The following PAFAH1B2 variants were observed in gnomAD, a reference collection of about 807,000 sequenced individuals.
PAFAH1B2 encodes platelet activating factor acetylhydrolase 1b catalytic subunit 2, also known as platelet-activating factor acetylhydrolase IB subunit alpha2.
Under a neutral mutation model 28.0 loss-of-function variants are expected in PAFAH1B2, and 8 were observed. The observed-to-expected ratio is 0.29, with a 90% CI of 0.17 to 0.52. The LOEUF is 0.52. Ranked by LOEUF, PAFAH1B2 falls within the 20% of genes least tolerant of loss-of-function variation. The pLI, the probability that PAFAH1B2 is intolerant of heterozygous loss-of-function variation, is 0.97. For synonymous variants in PAFAH1B2, 104 were observed against 103.2 expected (o/e 1.01, Z -0.05); for missense variants, 190 against 282.6 (o/e 0.67, Z 2.35).
Position 117,163,750 on chromosome 11 carries a change from C to T in PAFAH1B2, c.289-20C>T. On this transcript the variant is annotated intron_variant, in intron 4 of 5. Transcript: ENST00000527958. ...CTGGGTATTTATCTTCTCCTTCCCC[C>T]CTTTTTTCTTCAATTGCAGGTCATT... The T allele has an allele frequency of 1.9e-6, 3 of 1,611,964 alleles. No individual in the cohort carries two copies. The highest frequency in any genetic ancestry group is 3.3e-5 in the Admixed American group (2 of 59,792).
intron 3 of PAFAH1B2, 122 bp from the exon 4 acceptor site, chr11:117,161,023 A>G: frequency 2.9e-6 from 2 of 685,216 alleles, no homozygotes; most frequent in South Asian, 1.7e-5. Context: ...ACAGTGTCAC[A>G]CCATTACAGT....
At chr11:117,153,605 G>T (rs1818776449) in intron 2 of PAFAH1B2, among the ~76,000 whole-genome samples, 1 of 152,072 alleles carries the variant, frequency 6.6e-6, no homozygotes, top group South Asian at 2.1e-4. Context: ...TGGCCAGGCT[G>T]GTTTCAAACT....
chr11:117,176,235 T>G (rs906633862), exon 6 of PAFAH1B2: 8 of 447,338 alleles, frequency 1.8e-5, no homozygotes, highest in Non-Finnish European at 2.4e-5. Flanking sequence ...GTGAACCCTT[T>G]GGAAAAGGGG....
intron 4 of PAFAH1B2, among the ~76,000 whole-genome samples, chr11:117,163,075 T>C (rs567359940): frequency 6.6e-6 from 1 of 152,376 alleles, no homozygotes; most frequent in African/African-American, 2.4e-5. Context: ...CATGATGATA[T>C]AATTCTCTCT....
rs577997775 is a variant in PAFAH1B2 at position 117,146,945 on chromosome 11, A to G, written c.-8+2527A>G. Among the ~76,000 whole-genome samples, 5 of 151,870 alleles carry G rather than the reference A, an allele frequency of 3.3e-5. No individual in the cohort carries two copies. The South Asian group carries it at 6.2e-4, about 19-fold the overall frequency. On this transcript the variant is annotated intron_variant, in intron 1 of 5. Coordinates refer to ENST00000527958, the MANE Select transcript of PAFAH1B2 (RefSeq NM_002572.4). ...TTCTCCACTGTGCTTCAGTCTGGGC[A>G]TCAGAGTGAAGCCCTATCTCAAAAA... is the stretch of plus-strand genomic sequence containing the variant.
intron 5 of PAFAH1B2, among the ~76,000 whole-genome samples, chr11:117,164,896 C>T (rs867403132): frequency 1.1e-4 from 17 of 150,252 alleles, no homozygotes; most frequent in South Asian, 4.2e-4. Context: ...ATTAGCTGGG[C>T]GTGGTGGCAC....
chr11:117,150,857 G>A (rs1177943290), intron 1 of PAFAH1B2, among the ~76,000 whole-genome samples: 3 of 151,894 alleles, frequency 2.0e-5, no homozygotes, highest in Non-Finnish European at 4.4e-5. Context: ...GCGTGGTGGC[G>A]GGCGCTTGTA....
At chr11:117,174,813 C>T (rs1053863239), downstream of PAFAH1B2, 1 of 829,936 alleles carries the variant, frequency 1.2e-6, no homozygotes. Context: ...CGGGCTTTTA[C>T]CATGTTGGCC....
chr11:117,176,498 G>A (rs915182209), exon 6 of PAFAH1B2: 3 of 196,600 alleles, frequency 1.5e-5, no homozygotes, highest in Non-Finnish European at 3.2e-5. Flanking sequence ...TGCCAGCTGA[G>A]AGAACTCTGA....
In PAFAH1B2 at chr11:117,152,227, A is replaced by G. The variant is rs556621765; in HGVS notation, c.-7-214A>G. Reference sequence around the variant, plus strand: ...CTGCAACTAAGTCATATTCAAAGCTATCTGGCGGTTTAGTGGTGCTATCTT... The same window carrying G: ...CTGCAACTAAGTCATATTCAAAGCTGTCTGGCGGTTTAGTGGTGCTATCTT... On this transcript the variant is annotated intron_variant, in intron 1 of 5. Transcript: ENST00000527958. Among the ~76,000 whole-genome samples, 3 of 152,334 alleles carry G rather than the reference A, an allele frequency of 2.0e-5. No homozygotes were observed. The East Asian group carries it at 5.8e-4, about 29-fold the overall frequency.
At position 117,170,220 on chromosome 11, in the gene PAFAH1B2, T is replaced by G. The variant is rs1437620809; in HGVS notation, c.*2521T>G. On this transcript the variant is annotated 3_prime_UTR_variant, in exon 6 of 6. Transcript: ENST00000527958. ...TGTACTTTTTAAAAAATCTATAAAT[T>G]TAATGCACTGTCCAAGTGAAATGTC... 6 of 1,059,430 alleles carry G rather than the reference T, an allele frequency of 5.7e-6. No individual in the cohort carries two copies. Among genetic ancestry groups the G allele is most frequent in the Non-Finnish European group, 6.9e-6 (6 of 875,804 alleles). The allele number at this position is 1,059,430 out of a possible 1,614,324, so 65.6% of individuals were successfully genotyped here. A position where few individuals can be genotyped will look rare whatever the true frequency, so the allele number is the denominator to read the frequency against.
intron 2 of PAFAH1B2, 93 bp downstream of exon 2, chr11:117,152,621 T>C: frequency 1.1e-6 from 1 of 869,618 alleles, no homozygotes; most frequent in South Asian, 1.4e-5. Context: ...TCTCACTGTG[T>C]TGCCCAGGCT....
intron 1 of PAFAH1B2, among the ~76,000 whole-genome samples, chr11:117,146,470 G>A (rs1010958022): frequency 1.3e-5 from 2 of 152,108 alleles, no homozygotes; most frequent in Non-Finnish European, 2.9e-5. Flanking sequence ...ATAATTCTTC[G>A]TTTCAATTGG....
downstream of PAFAH1B2, chr11:117,171,151 C>A: frequency 1.3e-6 from 1 of 763,408 alleles, no homozygotes; most frequent in Non-Finnish European, 1.6e-6. Flanking sequence ...TTAGATGATC[C>A]TGCTTCTTTA....
downstream of PAFAH1B2, among the ~76,000 whole-genome samples, chr11:117,172,779 C>T (rs1327806494): frequency 1.3e-5 from 2 of 152,192 alleles, no homozygotes; most frequent in Non-Finnish European, 2.9e-5. Flanking sequence ...TCTTGGTTTA[C>T]TGCAATCTCT....
rs1956626291 is a variant in PAFAH1B2 at position 117,170,466 on chromosome 11, A to G, written c.*2767A>G. 2 of 1,059,984 alleles carry G rather than the reference A, an allele frequency of 1.9e-6. No homozygotes were observed. The highest frequency in any genetic ancestry group is 4.6e-5 in the South Asian group (1 of 21,824). 65.7% of individuals were successfully genotyped at this position (1,059,984 alleles called of 1,614,324 possible). On this transcript the variant is annotated 3_prime_UTR_variant, in exon 6 of 6. Coordinates refer to ENST00000527958, the MANE Select transcript of PAFAH1B2 (RefSeq NM_002572.4). ...TCTAGGGCAGGCTGTCTTCCAGTCC[A>G]TGTGTTCTCGGTCGCCGTAGACAGC... is the stretch of plus-strand genomic sequence containing the variant.
chr11:117,169,961 C>T lies in PAFAH1B2; in HGVS notation c.*2262C>T, dbSNP rs1956610650. ...TGAGCTGGCCCTCAGCTCCTTTGCTCATGTGTACAAACCTCAGATGTTACT... is the reference window on the plus strand; with the variant it reads ...TGAGCTGGCCCTCAGCTCCTTTGCTTATGTGTACAAACCTCAGATGTTACT... On this transcript the variant is annotated 3_prime_UTR_variant, in exon 6 of 6. Coordinates refer to ENST00000527958, the MANE Select transcript of PAFAH1B2 (RefSeq NM_002572.4). 9.5e-7 allele frequency: 1 copy of T among 1,053,200 alleles called. No individual in the cohort carries two copies. The allele number at this position is 1,053,200 out of a possible 1,614,324, so 65.2% of individuals were successfully genotyped here. A position where few individuals can be genotyped will look rare whatever the true frequency, so the allele number is the denominator to read the frequency against.
rs1565275797 is a variant in PAFAH1B2 at position 117,169,112 on chromosome 11, T to A, written c.*1413T>A. The A allele has an allele frequency of 9.8e-7, 1 of 1,021,418 alleles. No homozygotes were observed. The highest frequency in any genetic ancestry group is 1.2e-6 in the Non-Finnish European group (1 of 851,390). The allele number at this position is 1,021,418 out of a possible 1,614,324, so 63.3% of individuals were successfully genotyped here. ...GGCCTTATTGGCTTAGTTTTTAAAT[T>A]ATCCTCCAAAAATTTTGGGCCTTTT... On this transcript the variant is annotated 3_prime_UTR_variant, in exon 6 of 6. Coordinates refer to ENST00000527958, the MANE Select transcript of PAFAH1B2 (RefSeq NM_002572.4).
intron 1 of PAFAH1B2, among the ~76,000 whole-genome samples, chr11:117,149,440 T>TTTTTTTTTTTTTTTTTTTTTTG: frequency 7.6e-6 from 1 of 132,132 alleles, no homozygotes; most frequent in African/African-American, 2.8e-5. Context: ...GTTTTTTTTT[T>TTTTTTTTTTTTTTTTTTTTTTG]TTTTGAGATG....
Sources: gnomAD v4.1 joint callset for allele counts (sites outside exome capture counted in the v4.1 genomes callset) on GRCh38, gnomAD v4.1.1 for gene constraint, MANE v1.5 for transcripts, NCBI Gene and HGNC (gene_info 2026-07-23, HGNC 2026-07-21) for gene names.